Variants in TRPM1 observed in about 807,000 individuals in gnomAD.
TRPM1 encodes TRPM1-203 APA Isoform, Intron 10.
Under a neutral mutation model 149.4 loss-of-function variants are expected in TRPM1, and 113 were observed. The observed-to-expected ratio is 0.76, with a 90% CI of 0.65 to 0.88. The LOEUF is 0.88. Ranked by LOEUF, TRPM1 falls within the 40% of genes least tolerant of loss-of-function variation. TRPM1 has a pLI of 0.00. For missense variants in TRPM1, 1,976 were observed against 2,038.7 expected, an observed-to-expected ratio of 0.97 and a Z score of 0.59; for synonymous variants, 741 against 759.5, an observed-to-expected ratio of 0.98 and a Z score of 0.40.
At chr15:31,028,588 T>A (rs2032905600) in intron 24 of TRPM1, 112 bp from the exon 25 acceptor site, 2 of 1,303,160 alleles carry the variant, frequency 1.5e-6, no homozygotes, top group African/African-American at 3.0e-5. Flanking sequence ...TTCTTTCTTA[T>A]TTCATAAGCA....
intron 27 of TRPM1, among the ~76,000 whole-genome samples, chr15:31,006,720 A>C (rs189278204): frequency 1.6e-4 from 25 of 152,300 alleles, no homozygotes; most frequent in Admixed American, 3.3e-4. Context: ...GTGGCTGTAC[A>C]ATTTTTTATT....
At chr15:31,089,090 A>AAG (rs1054603183) in intron 1 of TRPM1, among the ~76,000 whole-genome samples, 1 of 152,232 alleles carries the variant, frequency 6.6e-6, no homozygotes, top group Non-Finnish European at 1.5e-5. Context: ...TTTTTAAAAA[A>AAG]CAAAAATCAA....
Position 31,026,226 on chromosome 15 carries a change from T to G in TRPM1, c.3542A>C (p.Glu1181Ala). 1 of 1,612,484 alleles carries G rather than the reference T, an allele frequency of 6.2e-7. No homozygotes were observed. The highest frequency in any genetic ancestry group is 8.5e-7 in the Non-Finnish European group (1 of 1,180,018). The change falls in exon 27 of 28, where the codon GAG becomes GCG. Residue 1181 changes from glutamate to alanine, a missense_variant. Coordinates refer to ENST00000256552, the MANE Select transcript of TRPM1 (RefSeq NM_001252024.2). ...DEELKRLHEF[E>A]EQCVQEHFRE... is the part of the protein sequence containing the mutation. ...GAAGTGCTCCTGCACGCACTGCTCC[T>G]CGAACTCATGCAGCCTCTTTAGCTC...
At position 31,081,406 on chromosome 15, in the gene TRPM1, G is replaced by C; in HGVS notation, c.-51C>G. On this transcript the variant is annotated 5_prime_UTR_variant, in exon 2 of 28. Transcript: ENST00000256552. The stretch of plus-strand genomic sequence containing the variant: ...AAATAGCCTCAGTCCAGCACTGCAA[G>C]TTACTGCTGAGTCCTCAGAAATCTT... The C allele has an allele frequency of 2.6e-6, 4 of 1,535,066 alleles. No individual in the cohort carries two copies. The highest frequency in any genetic ancestry group is 3.5e-6 in the Non-Finnish European group (4 of 1,146,588).
chr15:31,149,731 G>C (rs1186665274), intron 1 of TRPM1, among the ~76,000 whole-genome samples: 2 of 152,044 alleles, frequency 1.3e-5, no homozygotes, highest in Non-Finnish European at 2.9e-5. Flanking sequence ...GTGTTAGCCA[G>C]GATGGTCTCG....
intron 17 of TRPM1, 132 bp downstream of exon 17, chr15:31,041,819 C>A: frequency 9.8e-7 from 1 of 1,022,152 alleles, no homozygotes; most frequent in South Asian, 1.4e-5. Context: ...ACATGACAGA[C>A]GAAGTGATTT....
intron 13 of TRPM1, 38 bp downstream of exon 13, chr15:31,049,337 C>T: frequency 6.2e-7 from 1 of 1,613,968 alleles, no homozygotes; most frequent in Non-Finnish European, 8.5e-7. Flanking sequence ...ATTTAGGTGG[C>T]TGCCTCCCGC....
chr15:31,011,752 C>A lies in TRPM1; in HGVS notation c.3630-8682G>T, dbSNP rs561680815. Among the ~76,000 whole-genome samples the A allele has an allele frequency of 4.0e-5, 6 of 151,432 alleles. No individual in the cohort carries two copies. In the East Asian group the frequency reaches 9.7e-4, roughly 24 times the overall value. On this transcript the variant is annotated intron_variant, in intron 27 of 27. Coordinates refer to ENST00000256552, the MANE Select transcript of TRPM1 (RefSeq NM_001252024.2). ...AGATCTCAGCTCACTGCAACCTCTG[C>A]CTCCTAGGTTCAAGTGATTCTCGTG...
At chr15:31,105,426 TG>T (rs1162132127), upstream of TRPM1, among the ~76,000 whole-genome samples, 1 of 141,230 alleles carries the variant, frequency 7.1e-6, no homozygotes. Context: ...ACTATGAAGC[TG>T]TGTGTCTCTG....
intron 1 of TRPM1, among the ~76,000 whole-genome samples, chr15:31,134,249 G>A (rs1319159123): frequency 6.6e-6 from 1 of 152,198 alleles, no homozygotes; most frequent in Non-Finnish European, 1.5e-5. Flanking sequence ...CTAAAATGCA[G>A]AGAAGCATAT....
At chr15:31,038,267 C>T in intron 18 of TRPM1, 101 bp from the exon 19 acceptor site, 1 of 1,339,034 alleles carries the variant, frequency 7.5e-7, no homozygotes, top group South Asian at 1.3e-5. Flanking sequence ...TATTCAATAA[C>T]CTAGGAGCCC....
Position 31,156,211 on chromosome 15 carries a change from A to G in TRPM1, c.54+4695T>C, listed in dbSNP as rs927534656. Among the ~76,000 whole-genome samples the G allele has an allele frequency of 9.2e-5, 14 of 151,554 alleles. 1 individual carries two copies. Among genetic ancestry groups the G allele is most frequent in the African/African-American group, 3.1e-4 (13 of 41,352 alleles). On this transcript the variant is annotated intron_variant, in intron 1 of 26. Transcript: ENST00000542188. ...GACCTCTGTCAAAAAAAAAAAAAAA[A>G]AAAAAAAAAAGGAAATCAAAATATT...
chr15:31,080,829 C>T (rs1289575160), intron 2 of TRPM1, among the ~76,000 whole-genome samples: 2 of 151,816 alleles, frequency 1.3e-5, no homozygotes, highest in African/African-American at 4.8e-5. Flanking sequence ...GGGGCGCTGT[C>T]CAGGAAACCT....
At chr15:31,161,159 G>A in exon 1 of TRPM1, 1 of 588,606 alleles carries the variant, frequency 1.7e-6, no homozygotes. Context: ...CAGCCTAGGA[G>A]GAGCATGTGC....
intron 1 of TRPM1, among the ~76,000 whole-genome samples, chr15:31,112,987 G>C (rs1335728151): frequency 6.6e-6 from 1 of 152,142 alleles, no homozygotes; most frequent in Middle Eastern, 3.2e-3. Flanking sequence ...ATTAACACAA[G>C]CTTAACCATC....
intron 26 of TRPM1, 67 bp downstream of exon 26, chr15:31,026,848 G>T: frequency 1.3e-6 from 2 of 1,526,558 alleles, no homozygotes; most frequent in Non-Finnish European, 1.8e-6. Context: ...AGATTTCTGT[G>T]AGGATGTCCA....
Position 31,001,869 on chromosome 15 carries a change from C to G in TRPM1, c.4831G>C (p.Glu1611Gln). The change falls in exon 28 of 28, where the codon GAA (glutamate) becomes CAA (glutamine). Residue 1611 changes from glutamate to glutamine, a missense_variant. By Grantham distance (29) the Glu-to-Gln change is conservative. Coordinates refer to ENST00000256552, the MANE Select transcript of TRPM1 (RefSeq NM_001252024.2). The part of the protein sequence containing the change: ...LVIVSGMTAE[E>Q]KKVKKEKAST... ...GCTTTCTCTTTCTTAACCTTTTTTT[C>G]TTCTGCTGTCATTCCAGACACAATT... The G allele has an allele frequency of 6.2e-7, 1 of 1,609,774 alleles. No homozygotes were observed. The highest frequency in any genetic ancestry group is 8.5e-7 in the Non-Finnish European group (1 of 1,178,498).
chr15:31,042,326 C>T (rs2033645828), intron 16 of TRPM1, 83 bp from the exon 17 acceptor site: 3 of 1,441,430 alleles, frequency 2.1e-6, no homozygotes, highest in Non-Finnish European at 2.8e-6. Flanking sequence ...AAAGGGAACC[C>T]TTTCTGTCAG....
Position 31,050,525 on chromosome 15 carries a change from G to T in TRPM1, c.1321C>A (p.Pro441Thr), listed in dbSNP as rs2033918294. ...CCTCCCTTGGTGGTGGCCATGGGTG[G>T]CTTCTTCTCCTTCTCCGTGGCTTTG... ...DSKATEKEKKPPMATTKGGRG... is the reference protein window; with the variant it reads ...DSKATEKEKKTPMATTKGGRG... The change falls in exon 12 of 28, where the codon CCA (proline) becomes ACA (threonine). Residue 441 changes from proline to threonine, a missense_variant. Pro to Thr is a conservative substitution (Grantham distance 38). Around this residue, in one of 3 missense-constraint regions of TRPM1, gnomAD observed 1,332 missense variants for 1,347.1 expected, o/e 0.99. Transcript: ENST00000256552. 1 of 1,613,952 alleles carries T rather than the reference G, an allele frequency of 6.2e-7. No homozygotes were observed. Among genetic ancestry groups the T allele is most frequent in the Middle Eastern group, 1.6e-4 (1 of 6,062 alleles).
Sources: allele counts gnomAD v4.1 joint callset (sites outside exome capture counted in the v4.1 genomes callset), GRCh38; gene constraint gnomAD v4.1.1; regional missense constraint gnomAD v4.1.1; transcripts MANE v1.5; gene names NCBI Gene and HGNC (gene_info 2026-07-23, HGNC 2026-07-21).